Variants in MPP7 observed in about 807,000 individuals in gnomAD.
MPP7 encodes the protein MAGUK p55 scaffold protein 7.
MPP7 carries 60 observed loss-of-function variants against 76.5 expected under a neutral mutation model. The ratio of observed to expected loss-of-function variants is 0.78; its 90% CI spans 0.64 to 0.97. The LOEUF is 0.97. Among genes scored for constraint, MPP7 ranks in the 50% least tolerant of loss-of-function variants. The pLI is 0.00. For missense variants in MPP7, 641 were observed against 694.0 expected, an observed-to-expected ratio of 0.92 and a Z score of 0.86; for synonymous variants, 237 against 244.5, an observed-to-expected ratio of 0.97 and a Z score of 0.29.
At chr10:28,190,955 G>A (rs1240754544) in intron 3 of MPP7, among the ~76,000 whole-genome samples, 1 of 152,054 alleles carries the variant, frequency 6.6e-6, no homozygotes, top group Non-Finnish European at 1.5e-5. Context: ...GGAGTCAACA[G>A]TACTGATGCC....
At chr10:28,240,294 T>C (rs1382963418) in intron 1 of MPP7, among the ~76,000 whole-genome samples, 2 of 152,212 alleles carry the variant, frequency 1.3e-5, no homozygotes, top group African/African-American at 4.8e-5. Context: ...TTTAAGTTGC[T>C]GATTCAAATT....
intron 11 of MPP7, among the ~76,000 whole-genome samples, chr10:28,117,334 A>G (rs774518741): frequency 1.3e-5 from 2 of 152,164 alleles, no homozygotes; most frequent in Non-Finnish European, 2.9e-5. Flanking sequence ...TATTTTTAAA[A>G]TAAATTTATA....
intron 5 of MPP7, among the ~76,000 whole-genome samples, chr10:28,142,641 G>A (rs1234279212): frequency 6.6e-6 from 1 of 152,186 alleles, no homozygotes; most frequent in Non-Finnish European, 1.5e-5. Context: ...TGAGGCAGGA[G>A]AATCGCTTAA....
intron 1 of MPP7, among the ~76,000 whole-genome samples, chr10:28,302,116 A>G (rs1302204823): frequency 6.6e-6 from 1 of 151,716 alleles, no homozygotes; most frequent in Non-Finnish European, 1.5e-5. Flanking sequence ...TCACAATTCT[A>G]CTCCCACCCA....
At chr10:28,170,814 A>G (rs1435198147) in intron 3 of MPP7, among the ~76,000 whole-genome samples, 3 of 152,100 alleles carry the variant, frequency 2.0e-5, no homozygotes, top group Admixed American at 2.0e-4. Context: ...TTCAATGTTC[A>G]TTCATAGCTC....
chr10:28,302,466 C>A (rs540562763), intron 1 of MPP7, among the ~76,000 whole-genome samples: 3 of 152,212 alleles, frequency 2.0e-5, no homozygotes, highest in Non-Finnish European at 4.4e-5. Flanking sequence ...AAGAAGCCAG[C>A]CAGCTTATCG....
intron 5 of MPP7, among the ~76,000 whole-genome samples, chr10:28,143,800 C>T (rs747660439): frequency 7.1e-6 from 1 of 140,724 alleles, no homozygotes; most frequent in Non-Finnish European, 1.6e-5. Flanking sequence ...GCTGCCCATC[C>T]CCCGTGCTTC....
upstream of MPP7, among the ~76,000 whole-genome samples, chr10:28,306,688 ATAGATAATAGATAGTT>A (rs1841259341): frequency 1.9e-5 from 1 of 53,646 alleles, no homozygotes; most frequent in Non-Finnish European, 4.1e-5. Flanking sequence ...GAGAGAGATG[ATAGATAATAGATAGTT>A]GATAGATAGA....
chr10:28,281,035 G>A (rs1412628683), intron 1 of MPP7, among the ~76,000 whole-genome samples: 3 of 151,968 alleles, frequency 2.0e-5, no homozygotes, highest in Non-Finnish European at 2.9e-5. Context: ...TTTAGACTCA[G>A]TGTGGTAGAG....
At chr10:28,220,396 C>T (rs750739733) in intron 2 of MPP7, among the ~76,000 whole-genome samples, 2 of 151,758 alleles carry the variant, frequency 1.3e-5, no homozygotes, top group South Asian at 2.1e-4. Flanking sequence ...ATTACATTTA[C>T]GTTACATTAA....
intron 1 of MPP7, among the ~76,000 whole-genome samples, chr10:28,285,539 T>G (rs1430998760): frequency 6.6e-6 from 1 of 152,202 alleles, no homozygotes; most frequent in African/African-American, 2.4e-5. Context: ...GGGAAGTTTC[T>G]CTTCATAAAA....
At chr10:28,087,362 C>T (rs1174423947) in intron 12 of MPP7, among the ~76,000 whole-genome samples, 1 of 152,130 alleles carries the variant, frequency 6.6e-6, no homozygotes, top group Non-Finnish European at 1.5e-5. Flanking sequence ...TCCTTTACAG[C>T]AACACACAAC....
At chr10:28,313,760 C>G (rs1431744502) in intron 2 of MPP7, among the ~76,000 whole-genome samples, 1 of 151,918 alleles carries the variant, frequency 6.6e-6, no homozygotes, top group Non-Finnish European at 1.5e-5. Flanking sequence ...AATCTTGGCT[C>G]ACCGCAGCCT....
At position 28,166,023 on chromosome 10, in the gene MPP7, C is replaced by CAAA. The variant is rs9299600; in HGVS notation, c.157-15967_157-15965dup. ...CTGGGCAATAGAGCAAGACTCATCT[C>CAAA]AAAAAAAAAAAAAAAAAAAGAATTT... On this transcript the variant is annotated intron_variant, in intron 3 of 16. Coordinates refer to ENST00000683449, the MANE Select transcript of MPP7 (RefSeq NM_001318170.2). 8.1e-3 allele frequency among the ~76,000 whole-genome samples: 801 copies of CAAA among 99,256 alleles called. 19 individuals carry two copies. Among genetic ancestry groups the CAAA allele is most frequent in the Middle Eastern group, 0.022 (4 of 184 alleles). The allele number at this position is 99,256 out of a possible 152,430, so 65.1% of individuals were successfully genotyped here. A position where few individuals can be genotyped will look rare whatever the true frequency, so the allele number is the denominator to read the frequency against.
At chr10:28,059,979 C>A (rs1297967567) in intron 13 of MPP7, among the ~76,000 whole-genome samples, 1 of 151,466 alleles carries the variant, frequency 6.6e-6, no homozygotes, top group Non-Finnish European at 1.5e-5. Context: ...TATGTCTCTG[C>A]TATTATTTGC....
At chr10:28,292,710 A>G (rs1469882893) in intron 1 of MPP7, among the ~76,000 whole-genome samples, 2 of 152,232 alleles carry the variant, frequency 1.3e-5, no homozygotes, top group African/African-American at 2.4e-5. Context: ...CACAGGAGGG[A>G]GTCATTCTTC....
chr10:28,120,562 C>G, intron 9 of MPP7, 32 bp downstream of exon 9: 1 of 1,589,630 alleles, frequency 6.3e-7, no homozygotes, highest in Non-Finnish European at 8.6e-7. Flanking sequence ...TTCCCTCCCA[C>G]GCACGAAGAA....
intron 1 of MPP7, among the ~76,000 whole-genome samples, chr10:28,246,054 G>A (rs1174561737): frequency 6.6e-6 from 1 of 151,994 alleles, no homozygotes; most frequent in Non-Finnish European, 1.5e-5. Context: ...AAAGGGACAT[G>A]GCTGAAAATT....
intron 2 of MPP7, among the ~76,000 whole-genome samples, chr10:28,316,095 G>T (rs1020212947): frequency 6.6e-6 from 1 of 152,082 alleles, no homozygotes; most frequent in African/African-American, 2.4e-5. Context: ...AATGTAATGT[G>T]GTACCCTGGA....
Sources: gnomAD v4.1 joint callset for allele counts (sites outside exome capture counted in the v4.1 genomes callset) on GRCh38, gnomAD v4.1.1 for gene constraint, MANE v1.5 for transcripts, NCBI Gene and HGNC (gene_info 2026-07-23, HGNC 2026-07-21) for gene names.